Variants in CDH13 observed in about 807,000 individuals in gnomAD.
The protein encoded by CDH13 is cadherin 13.
In CDH13, 24 loss-of-function variants were observed where a neutral mutation model predicts 63.8. The ratio of observed to expected loss-of-function variants is 0.38; its 90% CI spans 0.27 to 0.53. CDH13 has a LOEUF of 0.53. Ranked by LOEUF, CDH13 falls within the 20% of genes least tolerant of loss-of-function variation. CDH13 has a pLI of 0.85. For synonymous variants in CDH13, 503 were observed against 355.3 expected (o/e 1.42, Z -4.67); for missense variants, 1,049 against 903.1 (o/e 1.16, Z -2.07).
chr16:83,300,209 G>A (rs1328768219), intron 5 of CDH13, among the ~76,000 whole-genome samples: 2 of 152,158 alleles, frequency 1.3e-5, no homozygotes, highest in East Asian at 3.9e-4. Flanking sequence ...TAAAACCTCA[G>A]CAACTGACCA....
chr16:83,134,927 TC>T (rs2036217149), intron 4 of CDH13, among the ~76,000 whole-genome samples: 1 of 152,226 alleles, frequency 6.6e-6, no homozygotes. Flanking sequence ...TATCACCCTT[TC>T]GGTTCTCCAT....
At chr16:83,275,074 G>C (rs2088944270) in intron 5 of CDH13, among the ~76,000 whole-genome samples, 1 of 152,116 alleles carries the variant, frequency 6.6e-6, no homozygotes, top group Non-Finnish European at 1.5e-5. Context: ...CATGAGGGCA[G>C]GGATCGTTGG....
chr16:82,822,854 C>A (rs956043810), intron 1 of CDH13, among the ~76,000 whole-genome samples: 1 of 152,184 alleles, frequency 6.6e-6, no homozygotes, highest in Non-Finnish European at 1.5e-5. Flanking sequence ...TTATTATCGT[C>A]TCTCACAGTG....
chr16:82,737,710 G>A (rs1301318088), intron 1 of CDH13, among the ~76,000 whole-genome samples: 1 of 152,138 alleles, frequency 6.6e-6, no homozygotes, highest in East Asian at 1.9e-4. Flanking sequence ...TTCTATAGAG[G>A]ACACCTTCCC....
intron 5 of CDH13, among the ~76,000 whole-genome samples, chr16:83,327,256 A>G (rs2090386073): frequency 6.6e-6 from 1 of 152,212 alleles, no homozygotes; most frequent in South Asian, 2.1e-4. Flanking sequence ...AATCCCATGT[A>G]AAATATTTTT....
At chr16:83,432,598 G>C (rs887035919) in intron 6 of CDH13, among the ~76,000 whole-genome samples, 4 of 152,178 alleles carry the variant, frequency 2.6e-5, no homozygotes, top group African/African-American at 4.8e-5. Context: ...AACTTGAGAA[G>C]AGTGCTGGCC....
At chr16:83,020,704 C>G (rs1256303739) in intron 2 of CDH13, among the ~76,000 whole-genome samples, 1 of 152,236 alleles carries the variant, frequency 6.6e-6, no homozygotes, top group Non-Finnish European at 1.5e-5. Flanking sequence ...CTCTCTCTTT[C>G]TCCTGGTTCT....
intron 7 of CDH13, among the ~76,000 whole-genome samples, chr16:83,490,593 C>G (rs1431887869): frequency 6.6e-6 from 1 of 152,190 alleles, no homozygotes; most frequent in Non-Finnish European, 1.5e-5. Flanking sequence ...CTTGCACTCA[C>G]CATAGTCAAT....
At chr16:83,050,818 A>T (rs933330622) in intron 3 of CDH13, among the ~76,000 whole-genome samples, 4 of 150,668 alleles carry the variant, frequency 2.7e-5, no homozygotes, top group African/African-American at 9.8e-5. Flanking sequence ...TTACTTCCTT[A>T]CCTCATCTTC....
At chr16:82,871,938 G>T (rs985340492) in intron 2 of CDH13, among the ~76,000 whole-genome samples, 1 of 152,116 alleles carries the variant, frequency 6.6e-6, no homozygotes, top group African/African-American at 2.4e-5. Flanking sequence ...ATATCTCAAG[G>T]CTGACCGTCC....
At chr16:83,732,348 C>T (rs908421979) in intron 10 of CDH13, among the ~76,000 whole-genome samples, 9 of 152,028 alleles carry the variant, frequency 5.9e-5, no homozygotes, top group African/African-American at 1.9e-4. Flanking sequence ...GGGGGAGAAA[C>T]CAACAGCTAA....
chr16:83,562,602 T>A (rs954221334), intron 7 of CDH13, among the ~76,000 whole-genome samples: 2 of 152,166 alleles, frequency 1.3e-5, no homozygotes, highest in African/African-American at 4.8e-5. Context: ...ATAAAACATA[T>A]CTTAAGTGAA....
chr16:82,789,739 G>A (rs926486421), intron 1 of CDH13, among the ~76,000 whole-genome samples: 2 of 152,170 alleles, frequency 1.3e-5, no homozygotes, highest in African/African-American at 4.8e-5. Flanking sequence ...GAAGTCCACA[G>A]GTCTGAATAA....
intron 2 of CDH13, among the ~76,000 whole-genome samples, chr16:82,941,495 C>T (rs1904286352): frequency 6.6e-6 from 1 of 152,182 alleles, no homozygotes; most frequent in Admixed American, 6.5e-5. Context: ...TTGCACAATC[C>T]ACGTGTAGAA....
intron 1 of CDH13, among the ~76,000 whole-genome samples, chr16:82,641,790 A>G (rs76894747): frequency 0.028 from 4,289 of 152,284 alleles, 237 homozygotes; most frequent in African/African-American, 0.1. Context: ...TACAGAAATG[A>G]GTAAGACAGG....
chr16:83,089,514 C>G (rs1274323212), intron 3 of CDH13, among the ~76,000 whole-genome samples: 1 of 147,174 alleles, frequency 6.8e-6, no homozygotes, highest in African/African-American at 2.6e-5. Flanking sequence ...CCCTCCATCA[C>G]TTGGCTCACC....
rs148746802 is a variant in CDH13 at position 82,963,743 on chromosome 16, TTACTC to T, written c.158-68265_158-68261del. On this transcript the variant is annotated intron_variant, in intron 2 of 13. Coordinates refer to ENST00000567109, the MANE Select transcript of CDH13 (RefSeq NM_001257.5). Reference sequence around the variant, plus strand: ...GTAAGCAGTCCATAAAGCTGGATGATTACTCTGCATGTGTTAGTGACATGCATGAA... The same window carrying T: ...GTAAGCAGTCCATAAAGCTGGATGATTGCATGTGTTAGTGACATGCATGAA... Among the ~76,000 whole-genome samples the T allele has an allele frequency of 1.6e-3, 250 of 152,322 alleles. 1 individual carries two copies. The highest frequency in any genetic ancestry group is 5.5e-3 in the African/African-American group (227 of 41,572).
At chr16:83,514,341 G>A (rs1477237526) in intron 7 of CDH13, among the ~76,000 whole-genome samples, 1 of 152,152 alleles carries the variant, frequency 6.6e-6, no homozygotes, top group African/African-American at 2.4e-5. Context: ...ATGCCTTGGA[G>A]TATCCTCATA....
chr16:83,081,685 T>TA (rs1317411277), intron 3 of CDH13, among the ~76,000 whole-genome samples: 1 of 149,922 alleles, frequency 6.7e-6, no homozygotes, highest in Non-Finnish European at 1.5e-5. Context: ...ACTCACACAG[T>TA]AAAGAGAGAG....
Sources: gnomAD v4.1 joint callset for allele counts (sites outside exome capture counted in the v4.1 genomes callset) on GRCh38, gnomAD v4.1.1 for gene constraint, MANE v1.5 for transcripts, NCBI Gene and HGNC (gene_info 2026-07-23, HGNC 2026-07-21) for gene names.